The following MKLN1 variants were observed in gnomAD, a reference collection of about 807,000 sequenced individuals.
MKLN1 encodes muskelin 1.
A neutral mutation model predicts 99.0 loss-of-function variants in MKLN1; 18 were observed. That is an observed-to-expected ratio of 0.18 (90% CI 0.13 to 0.27). The LOEUF (loss-of-function observed/expected upper bound fraction) is 0.27, where lower values mean the gene tolerates loss of function less well. MKLN1 is among the 10% of genes least tolerant of loss of function. MKLN1 has a pLI of 1.00. For missense variants in MKLN1, 621 were observed against 875.9 expected (o/e 0.71, Z 3.67); for synonymous variants, 288 against 293.2 (o/e 0.98, Z 0.18).
At position 131,277,837 on chromosome 7, in the gene MKLN1, T is replaced by G. The variant is rs1797996627; in HGVS notation, c.-179+74863T>G. On this transcript the variant is annotated intron_variant, in intron 3 of 7. Coordinates refer to the MKLN1 transcript ENST00000416992. ...GATGGATATCCCAGTTACACTGATT[T>G]GATCTTTACAAATTATATGAATGTA... Among the ~76,000 whole-genome samples the G allele has an allele frequency of 2.0e-5, 3 of 152,212 alleles. No homozygotes were observed. In the South Asian group the frequency reaches 6.2e-4, roughly 32 times the overall value.
chr7:131,466,679 A>T (rs891089784), intron 15 of MKLN1, among the ~76,000 whole-genome samples: 1 of 152,244 alleles, frequency 6.6e-6, no homozygotes, highest in Non-Finnish European at 1.5e-5. Flanking sequence ...ACATGCCTAC[A>T]TTGAAGTAAC....
At chr7:131,329,322 G>A (rs1798998363) in intron 1 of MKLN1, among the ~76,000 whole-genome samples, 1 of 152,210 alleles carries the variant, frequency 6.6e-6, no homozygotes, top group African/African-American at 2.4e-5. Context: ...GGTGCCAAGT[G>A]ACCTGTGGTT....
Position 131,493,977 on chromosome 7 carries a change from T to A in MKLN1, c.*6249T>A, listed in dbSNP as rs1797487122. The A allele has an allele frequency of 6.6e-6, 1 of 152,224 alleles. No individual in the cohort carries two copies. The allele number at this position is 152,224 out of a possible 1,614,324, so 9.4% of individuals were successfully genotyped here. On this transcript the variant is annotated 3_prime_UTR_variant, in exon 18 of 18. Transcript: ENST00000352689. ...GCCACTCAAAAAGCCAATTTTGAGC[T>A]TTATTTCTCCGTTGTTAACAAATCT... is the stretch of plus-strand genomic sequence containing the variant.
chr7:131,431,147 A>G (rs533071670), intron 9 of MKLN1, among the ~76,000 whole-genome samples: 1 of 151,858 alleles, frequency 6.6e-6, no homozygotes, highest in African/African-American at 2.4e-5. Context: ...CCTTGAACCC[A>G]GGAGGCGGAG....
At chr7:131,275,573 T>A (rs1364645240) in intron 3 of MKLN1, among the ~76,000 whole-genome samples, 105 of 81,626 alleles carry the variant, frequency 1.3e-3, no homozygotes, top group African/African-American at 3.7e-3. Flanking sequence ...ATATATTTTT[T>A]TTTTTTTTTT....
intron 3 of MKLN1, among the ~76,000 whole-genome samples, chr7:131,279,304 C>T (rs989717900): frequency 1.3e-5 from 2 of 152,072 alleles, no homozygotes; most frequent in South Asian, 4.1e-4. Context: ...TTCAGAAGAC[C>T]TAAATTATGT....
At chr7:131,464,987 A>G (rs1341510526) in intron 14 of MKLN1, among the ~76,000 whole-genome samples, 1 of 152,130 alleles carries the variant, frequency 6.6e-6, no homozygotes, top group Non-Finnish European at 1.5e-5. Flanking sequence ...ACAGAGACCA[A>G]TTCTTTCTGT....
chr7:131,136,610 A>G (rs1795652068), intron 1 of MKLN1, among the ~76,000 whole-genome samples: 1 of 152,226 alleles, frequency 6.6e-6, no homozygotes, highest in Non-Finnish European at 1.5e-5. Context: ...TACATGACTG[A>G]GGACAATACA....
At chr7:131,196,461 CTTAT>C (rs1378921517) in intron 2 of MKLN1, among the ~76,000 whole-genome samples, 1 of 152,140 alleles carries the variant, frequency 6.6e-6, no homozygotes, top group African/African-American at 2.4e-5. Flanking sequence ...GCCAAATCTA[CTTAT>C]TTATTTATTT....
chr7:131,239,422 T>C (rs1797369831), intron 3 of MKLN1, among the ~76,000 whole-genome samples: 1 of 151,974 alleles, frequency 6.6e-6, no homozygotes, highest in South Asian at 2.1e-4. Flanking sequence ...TGGGCTCAAG[T>C]GATCCTTCCA....
At chr7:131,170,804 T>C (rs1796203554) in intron 2 of MKLN1, among the ~76,000 whole-genome samples, 2 of 152,212 alleles carry the variant, frequency 1.3e-5, no homozygotes. Flanking sequence ...ACCCACCATG[T>C]ACAACAGATT....
At chr7:131,236,679 A>T (rs1042103190) in intron 3 of MKLN1, among the ~76,000 whole-genome samples, 1 of 152,106 alleles carries the variant, frequency 6.6e-6, no homozygotes, top group Non-Finnish European at 1.5e-5. Context: ...ATTTTAAAAA[A>T]AGTAGTGATG....
At position 131,312,858 on chromosome 7, in the gene MKLN1, T is replaced by G. The variant is rs1303464130; in HGVS notation, c.-178-62566T>G. On this transcript the variant is annotated intron_variant, in intron 3 of 7. Transcript: ENST00000416992. The stretch of plus-strand genomic sequence containing the variant: ...ATGCAGAGCTCAGGACAAATGACAG[T>G]GCTATGGAGACAATGCCTGGAGGAT... Among the ~76,000 whole-genome samples the G allele has an allele frequency of 2.6e-5, 4 of 152,292 alleles. No individual in the cohort carries two copies. The East Asian group carries it at 5.8e-4, about 22-fold the overall frequency.
At chr7:131,432,359 G>C (rs1246498113) in intron 9 of MKLN1, among the ~76,000 whole-genome samples, 1 of 152,180 alleles carries the variant, frequency 6.6e-6, no homozygotes, top group African/African-American at 2.4e-5. Context: ...TATGTTGTAA[G>C]TAATATTTAT....
At chr7:131,434,026 C>T (rs1795606208) in intron 9 of MKLN1, among the ~76,000 whole-genome samples, 1 of 151,774 alleles carries the variant, frequency 6.6e-6, no homozygotes, top group Non-Finnish European at 1.5e-5. Flanking sequence ...TGAGACTACA[C>T]CGAGTAGCTG....
chr7:131,431,531 T>C (rs981267633), intron 9 of MKLN1, among the ~76,000 whole-genome samples: 1 of 152,136 alleles, frequency 6.6e-6, no homozygotes, highest in African/African-American at 2.4e-5. Context: ...CTGTTTTATA[T>C]AGGCTAGCCA....
chr7:131,272,196 A>G (rs1797895307), intron 3 of MKLN1, among the ~76,000 whole-genome samples: 1 of 152,228 alleles, frequency 6.6e-6, no homozygotes, highest in Admixed American at 6.5e-5. Flanking sequence ...GGAAGGCTAC[A>G]TGCAGCTGTT....
At chr7:131,350,139 G>A (rs1799677489) in intron 1 of MKLN1, among the ~76,000 whole-genome samples, 1 of 151,750 alleles carries the variant, frequency 6.6e-6, no homozygotes, top group African/African-American at 2.4e-5. Context: ...GTAAATATAA[G>A]TTATGTTATT....
chr7:131,110,686 A>ACAAT (rs775784152), intron 1 of MKLN1, among the ~76,000 whole-genome samples: 2 of 152,178 alleles, frequency 1.3e-5, no homozygotes, highest in Non-Finnish European at 2.9e-5. Flanking sequence ...GTGCAACAAA[A>ACAAT]CAATCAATAG....
Sources: gnomAD v4.1 joint callset for allele counts (sites outside exome capture counted in the v4.1 genomes callset) on GRCh38, gnomAD v4.1.1 for gene constraint, MANE v1.5 for transcripts, NCBI Gene and HGNC (gene_info 2026-07-23, HGNC 2026-07-21) for gene names.